The following MIOS variants were observed in gnomAD, a reference collection of about 807,000 sequenced individuals.
MIOS encodes the protein GATOR2 complex protein MIOS.
In MIOS, 52 loss-of-function variants were observed where a neutral mutation model predicts 96.9. That is an observed-to-expected ratio of 0.54 (90% CI 0.43 to 0.68). The LOEUF (loss-of-function observed/expected upper bound fraction) is 0.68. Ranked by LOEUF, MIOS falls within the 30% of genes least tolerant of loss-of-function variation. The pLI, the probability that MIOS is intolerant of heterozygous loss-of-function variation, is 0.00. For missense variants in MIOS, 1,005 were observed against 1,052.8 expected (o/e 0.95, Z 0.63); for synonymous variants, 397 against 359.5 (o/e 1.10, Z -1.18).
At position 7,572,149 on chromosome 7, in the gene MIOS, C is replaced by A. The variant is rs1275272785; in HGVS notation, c.-40-287C>A. The stretch of plus-strand genomic sequence containing the variant: ...AAGTTGTTATAACTCTGAAGTTAAG[C>A]TGAAGGTACTAGTAACAGTGCAATT... On this transcript the variant is annotated intron_variant, in intron 3 of 12. Coordinates refer to ENST00000340080, the MANE Select transcript of MIOS (RefSeq NM_019005.4). The surrounding 1 kb of genome is among the most constrained non-coding windows in gnomAD (Gnocchi z 4.8). Among the ~76,000 whole-genome samples, 1 of 152,142 alleles carries A rather than the reference C, an allele frequency of 6.6e-6. No individual in the cohort carries two copies. Among genetic ancestry groups the A allele is most frequent in the East Asian group, 1.9e-4 (1 of 5,200 alleles).
At chr7:7,588,441 A>C in intron 7 of MIOS, 57 bp from the exon 8 acceptor site, 1 of 1,122,384 alleles carries the variant, frequency 8.9e-7, no homozygotes, top group Non-Finnish European at 1.2e-6. Context: ...CAGTCTCTGC[A>C]AAAATTTAAA....
intron 5 of MIOS, chr7:7,582,528 G>A (rs1490701042): frequency 2.1e-6 from 1 of 484,548 alleles, no homozygotes; most frequent in Non-Finnish European, 2.7e-6. Context: ...TTAGTAAGGG[G>A]AAAAATAGCC....
At chr7:7,603,953 A>G (rs183405984) in intron 11 of MIOS, among the ~76,000 whole-genome samples, 1,615 of 152,084 alleles carry the variant, frequency 0.011, 40 homozygotes, top group African/African-American at 0.037. Flanking sequence ...TCAGCAAACT[A>G]TCGCAAGGAC....
chr7:7,579,843 T>C (rs1202292553), intron 5 of MIOS, among the ~76,000 whole-genome samples: 2 of 152,212 alleles, frequency 1.3e-5, no homozygotes, highest in African/African-American at 2.4e-5. Context: ...GTAAGTACAC[T>C]GTGATGTTCA....
At position 7,607,169 on chromosome 7, in the gene MIOS, C is replaced by T; in HGVS notation, c.*77C>T. On this transcript the variant is annotated 3_prime_UTR_variant, in exon 13 of 13. Transcript: ENST00000340080. ...TCCTTCATAGCTCAGAAACATACCT[C>T]AGAACAAGCCATTCATGACTTACCT... The T allele has an allele frequency of 9.3e-7, 1 of 1,072,682 alleles. No homozygotes were observed. The highest frequency in any genetic ancestry group is 1.4e-6 in the Non-Finnish European group (1 of 727,276). 66.4% of individuals were successfully genotyped at this position (1,072,682 alleles called of 1,614,324 possible).
At position 7,572,751 on chromosome 7, in the gene MIOS, T is replaced by C. The variant is rs1417568055; in HGVS notation, c.276T>C (p.Leu92=). The C allele has an allele frequency of 5.6e-6, 9 of 1,614,158 alleles. No individual in the cohort carries two copies. The highest frequency in any genetic ancestry group is 6.8e-6 in the Non-Finnish European group (8 of 1,179,996). Residue 92 remains leucine (L), a synonymous_variant, in exon 4 of 13, where the codon CTT becomes CTC. Coordinates refer to ENST00000340080, the MANE Select transcript of MIOS (RefSeq NM_019005.4). This position sits in a 1 kb window ranked among gnomAD's most constrained non-coding sequence, Gnocchi z 4.8. ...QANGRVVLTS[L]GQDHNSKFKD... Reference sequence around the variant, plus strand: ...ATGGTCGAGTTGTACTTACAAGCCTTGGTCAAGATCATAACTCAAAGTTCA... The same window carrying C: ...ATGGTCGAGTTGTACTTACAAGCCTCGGTCAAGATCATAACTCAAAGTTCA...
chr7:7,591,777 T>G (rs1784054909), intron 9 of MIOS, among the ~76,000 whole-genome samples: 1 of 152,182 alleles, frequency 6.6e-6, no homozygotes, highest in Non-Finnish European at 1.5e-5. Flanking sequence ...CTGAGCTTCT[T>G]GGATCTGGAA....
At chr7:7,604,320 T>G (rs906443840) in intron 11 of MIOS, among the ~76,000 whole-genome samples, 2 of 152,322 alleles carry the variant, frequency 1.3e-5, no homozygotes, top group Admixed American at 6.5e-5. Context: ...GCTTTGTGAT[T>G]CAAATAGCTG....
At chr7:7,590,620 T>C (rs1250657425) in intron 9 of MIOS, among the ~76,000 whole-genome samples, 1 of 152,234 alleles carries the variant, frequency 6.6e-6, no homozygotes, top group African/African-American at 2.4e-5. Flanking sequence ...TTGTTTGTCC[T>C]TTTTCCTTTT....
At position 7,600,914 on chromosome 7, in the gene MIOS, C is replaced by A. The variant is rs182072678; in HGVS notation, c.2401+4453C>A. 2.6e-5 allele frequency among the ~76,000 whole-genome samples: 4 copies of A among 152,310 alleles called. No individual in the cohort carries two copies. The East Asian group carries it at 7.7e-4, about 29-fold the overall frequency. On this transcript the variant is annotated intron_variant, in intron 11 of 12. Transcript: ENST00000340080. Reference sequence around the variant, plus strand: ...AACTAGAACTCAGGATTAAGACATTCACTCCAAACCGCTCAACTACATGGA... The same window carrying A: ...AACTAGAACTCAGGATTAAGACATTAACTCCAAACCGCTCAACTACATGGA...
Position 7,570,738 on chromosome 7 carries a change from C to T in MIOS, c.-40-1698C>T, listed in dbSNP as rs186444231. Among the ~76,000 whole-genome samples, 451 of 152,202 alleles carry T rather than the reference C, an allele frequency of 3.0e-3. 6 individuals are homozygous for T. Among genetic ancestry groups the T allele is most frequent in the Admixed American group, 9.9e-3 (152 of 15,290 alleles). ...ACAGTTCACAATAGGGTTTGCACTC[C>T]TGTGAGAAACTAATGCTGCTATTGA... On this transcript the variant is annotated intron_variant, in intron 3 of 12. Coordinates refer to ENST00000340080, the MANE Select transcript of MIOS (RefSeq NM_019005.4).
rs1784582822 is a variant in MIOS, at chr7:7,608,236, C to A, written c.*1144C>A. 1 of 151,948 alleles carries A rather than the reference C, an allele frequency of 6.6e-6. No individual in the cohort carries two copies. Among genetic ancestry groups the A allele is most frequent in the African/African-American group, 2.4e-5 (1 of 41,394 alleles). 9.4% of individuals were successfully genotyped at this position (151,948 alleles called of 1,614,324 possible). A position where few individuals can be genotyped will look rare whatever the true frequency, so the allele number is the denominator to read the frequency against. ...AAGAATTTACAAGATGCTTCTCTGT[C>A]ATCTGCCATATGCAGAGGGACTGAA... On this transcript the variant is annotated 3_prime_UTR_variant, in exon 13 of 13. Coordinates refer to ENST00000340080, the MANE Select transcript of MIOS (RefSeq NM_019005.4).
chr7:7,592,036 A>G (rs1255273535), intron 9 of MIOS, among the ~76,000 whole-genome samples: 2 of 151,368 alleles, frequency 1.3e-5, no homozygotes, highest in Non-Finnish European at 2.9e-5. Context: ...GCTGGAGTGC[A>G]GTGGCACAAT....
intron 11 of MIOS, among the ~76,000 whole-genome samples, chr7:7,600,080 G>C (rs10228102): frequency 0.012 from 1,761 of 152,020 alleles, 26 homozygotes; most frequent in African/African-American, 0.04. Context: ...TTATTACCTG[G>C]ATGATGAAAT....
intron 5 of MIOS, among the ~76,000 whole-genome samples, chr7:7,576,958 A>G (rs1294866232): frequency 1.3e-5 from 2 of 152,338 alleles, no homozygotes; most frequent in East Asian, 3.9e-4. Flanking sequence ...ATTAGGAATA[A>G]CACAGGAAGA....
At chr7:7,567,348 G>C (rs1041076182) in intron 1 of MIOS, 1 of 152,510 alleles carries the variant, frequency 6.6e-6, no homozygotes, top group African/African-American at 2.4e-5. Context: ...CGGCGTCCCA[G>C]CCTTTCCCGG....
At chr7:7,604,011 A>G (rs1021902486) in intron 11 of MIOS, among the ~76,000 whole-genome samples, 10 of 146,434 alleles carry the variant, frequency 6.8e-5, no homozygotes, top group African/African-American at 2.5e-4. Flanking sequence ...GAATTGAACA[A>G]TTTGAGAACA....
chr7:7,606,734 T>A (rs1267205818), intron 12 of MIOS, among the ~76,000 whole-genome samples: 1 of 152,172 alleles, frequency 6.6e-6, no homozygotes, highest in Non-Finnish European at 1.5e-5. Context: ...TTTTTTTCTC[T>A]GGGTTTTAGT....
At chr7:7,606,953 G>T in intron 12 of MIOS, 43 bp from the exon 13 acceptor site, 1 of 1,362,066 alleles carries the variant, frequency 7.3e-7, no homozygotes, top group Non-Finnish European at 1.0e-6. Flanking sequence ...ATGTATGTCT[G>T]TCTAATTTGG....
Sources: gnomAD v4.1 joint callset for allele counts (sites outside exome capture counted in the v4.1 genomes callset) on GRCh38, gnomAD v4.1.1 for gene constraint, Gnocchi (gnomAD v3.1) non-coding constraint, MANE v1.5 for transcripts, NCBI Gene and HGNC (gene_info 2026-07-23, HGNC 2026-07-21) for gene names.